SSPN: variants seen among roughly 807,000 people sequenced by gnomAD.
The protein encoded by SSPN is sarcospan, also known as K-ras oncogene-associated protein.
SSPN carries 15 observed loss-of-function variants against 19.1 expected under a neutral mutation model. That is an observed-to-expected ratio of 0.78 (90% CI 0.52 to 1.21). The LOEUF is 1.21. SSPN is among the 50% of genes most tolerant of loss of function. The pLI, the probability that SSPN is intolerant of heterozygous loss-of-function variation, is 0.00. For synonymous variants in SSPN, 147 were observed against 140.3 expected (o/e 1.05, Z -0.34); for missense variants, 291 against 314.0 (o/e 0.93, Z 0.55).
intron 1 of SSPN, chr12:26,123,560 G>A (rs1361796317): frequency 9.3e-7 from 1 of 1,069,600 alleles, no homozygotes; most frequent in African/African-American, 1.5e-5. Context: ...GGGTGAGGGA[G>A]TCCTGACACT....
chr12:26,141,150 G>C (rs1487320842), intron 1 of SSPN, among the ~76,000 whole-genome samples: 1 of 152,200 alleles, frequency 6.6e-6, no homozygotes, highest in Admixed American at 6.5e-5. Flanking sequence ...GATTATCCAG[G>C]ATTATCCAGG....
chr12:26,209,251 G>C (rs1275867036), intron 1 of SSPN, among the ~76,000 whole-genome samples: 1 of 152,020 alleles, frequency 6.6e-6, no homozygotes, highest in African/African-American at 2.4e-5. Context: ...CAGTTCATGT[G>C]TTTTTCATAT....
At chr12:26,210,347 A>G (rs1200268061) in intron 1 of SSPN, among the ~76,000 whole-genome samples, 1 of 152,054 alleles carries the variant, frequency 6.6e-6, no homozygotes, top group Non-Finnish European at 1.5e-5. Flanking sequence ...ATAGAATCAA[A>G]CCACTGTTTA....
chr12:26,122,616 G>A (rs758323840), intron 1 of SSPN: 2 of 1,154,426 alleles, frequency 1.7e-6, no homozygotes, highest in South Asian at 4.2e-5. Context: ...CGCGGCTGCC[G>A]CCGCCGCCGC....
intron 1 of SSPN, chr12:26,124,273 A>G: frequency 3.9e-6 from 1 of 257,258 alleles, no homozygotes; most frequent in Non-Finnish European, 6.2e-6. Context: ...CCCCCCCACC[A>G]TAAAACATAC....
chr12:26,201,859 A>G (rs1176624465), intron 1 of SSPN, among the ~76,000 whole-genome samples: 1 of 152,210 alleles, frequency 6.6e-6, no homozygotes, highest in Non-Finnish European at 1.5e-5. Flanking sequence ...TGGATAATTA[A>G]TAAATGTTGA....
At chr12:26,122,600 C>A in intron 1 of SSPN, 1 of 1,122,502 alleles carries the variant, frequency 8.9e-7, no homozygotes, top group Non-Finnish European at 1.1e-6. Context: ...GGTCGGGCCC[C>A]AGAAGCGCGG....
intron 1 of SSPN, among the ~76,000 whole-genome samples, chr12:26,160,689 C>G (rs1944582314): frequency 6.6e-6 from 1 of 152,216 alleles, no homozygotes; most frequent in African/African-American, 2.4e-5. Context: ...CCCTTATCTA[C>G]TATCTTGACT....
chr12:26,185,527 CT>C (rs1565681057), intron 1 of SSPN, among the ~76,000 whole-genome samples: 1 of 152,156 alleles, frequency 6.6e-6, no homozygotes, highest in African/African-American at 2.4e-5. Context: ...CTCTACCCCC[CT>C]GGGCAGGGGA....
chr12:26,165,630 C>A (rs1944616120), intron 1 of SSPN, among the ~76,000 whole-genome samples: 1 of 152,180 alleles, frequency 6.6e-6, no homozygotes, highest in Non-Finnish European at 1.5e-5. Context: ...GCCCTAGGGG[C>A]AGGGAACATG....
intron 1 of SSPN, chr12:26,122,527 CGAA>C: frequency 7.8e-7 from 1 of 1,276,998 alleles, no homozygotes; most frequent in Non-Finnish European, 1.0e-6. Flanking sequence ...CCGCCTCCGC[CGAA>C]CGCCACCAGC....
intron 2 of SSPN, among the ~76,000 whole-genome samples, chr12:26,225,870 T>C (rs1362008810): frequency 1.3e-5 from 2 of 151,216 alleles, no homozygotes; most frequent in African/African-American, 2.4e-5. Context: ...TGAAATACCC[T>C]CATTTTCCCC....
At chr12:26,134,145 C>G (rs1413096404) in intron 1 of SSPN, among the ~76,000 whole-genome samples, 2 of 152,200 alleles carry the variant, frequency 1.3e-5, no homozygotes, top group African/African-American at 4.8e-5. Flanking sequence ...TCTCTGCCCC[C>G]CTTTCTAGAA....
rs1945231255 is a variant in SSPN at position 26,231,399 on chromosome 12, A to G, written c.*323A>G. 4.4e-6 allele frequency: 1 copy of G among 224,932 alleles called. No homozygotes were observed. The highest frequency in any genetic ancestry group is 8.0e-5 in the South Asian group (1 of 12,556). The allele number at this position is 224,932 out of a possible 1,614,324, so 13.9% of individuals were successfully genotyped here. A position where few individuals can be genotyped will look rare whatever the true frequency, so the allele number is the denominator to read the frequency against. On this transcript the variant is annotated 3_prime_UTR_variant, in exon 3 of 3. Coordinates refer to ENST00000242729, the MANE Select transcript of SSPN (RefSeq NM_005086.5). ...TGTTAACTCATTTTATCCATTCCTT[A>G]CATAATCTTCTTTCCTGTTAGTCCA...
intron 1 of SSPN, among the ~76,000 whole-genome samples, chr12:26,155,715 CAG>C (rs1049644547): frequency 3.9e-5 from 6 of 152,262 alleles, no homozygotes; most frequent in South Asian, 2.1e-4. Context: ...AATAATGAAT[CAG>C]GGGGACAAAA....
chr12:26,184,150 T>G (rs1425280225), intron 1 of SSPN, among the ~76,000 whole-genome samples: 1 of 152,180 alleles, frequency 6.6e-6, no homozygotes, highest in Non-Finnish European at 1.5e-5. Context: ...AATGGAACAT[T>G]CCTACTCTAA....
chr12:26,221,301 G>T (rs1429742525), intron 1 of SSPN, among the ~76,000 whole-genome samples: 1 of 152,202 alleles, frequency 6.6e-6, no homozygotes, highest in Non-Finnish European at 1.5e-5. Context: ...CATCAGGGTA[G>T]TCATTCCTTC....
chr12:26,216,159 G>T (rs922603957), intron 1 of SSPN, among the ~76,000 whole-genome samples: 1 of 152,082 alleles, frequency 6.6e-6, no homozygotes, highest in Admixed American at 6.6e-5. Context: ...AATTCTACTA[G>T]TCAGTGTGTC....
intron 1 of SSPN, among the ~76,000 whole-genome samples, chr12:26,187,083 A>G (rs1944758675): frequency 1.3e-5 from 2 of 152,214 alleles, no homozygotes; most frequent in African/African-American, 4.8e-5. Flanking sequence ...AAAGGAAGAA[A>G]GGTCTGCACC....
Sources: allele counts gnomAD v4.1 joint callset (sites outside exome capture counted in the v4.1 genomes callset), GRCh38; gene constraint gnomAD v4.1.1; transcripts MANE v1.5; gene names NCBI Gene and HGNC (gene_info 2026-07-23, HGNC 2026-07-21).